NME9: variants seen among roughly 807,000 people sequenced by gnomAD.
NME9 encodes the protein NME/NM23 family member 9.
Under a neutral mutation model 44.4 loss-of-function variants are expected in NME9, and 48 were observed. That is an observed-to-expected ratio of 1.08 (90% CI 0.86 to 1.37). The LOEUF is 1.37. Among genes scored for constraint, NME9 ranks in the 40% most tolerant of loss-of-function variants. The pLI, the probability that NME9 is intolerant of heterozygous loss-of-function variation, is 0.00. For synonymous variants in NME9, 139 were observed against 147.1 expected, an observed-to-expected ratio of 0.94 and a Z score of 0.40; for missense variants, 325 against 405.2, an observed-to-expected ratio of 0.80 and a Z score of 1.70.
At chr3:138,262,828 T>A (rs1167808901) in intron 8 of NME9, among the ~76,000 whole-genome samples, 1 of 152,192 alleles carries the variant, frequency 6.6e-6, no homozygotes, top group African/African-American at 2.4e-5. Context: ...ACAAGAGGAC[T>A]ACCTTAACCA....
At chr3:138,313,612 C>T (rs2052856947) in intron 6 of NME9, among the ~76,000 whole-genome samples, 1 of 152,094 alleles carries the variant, frequency 6.6e-6, no homozygotes, top group South Asian at 2.1e-4. Flanking sequence ...TCTGCACTCC[C>T]GTGTTTATTG....
intron 10 of NME9, chr3:138,303,298 TA>T: frequency 2.4e-6 from 1 of 417,192 alleles, no homozygotes; most frequent in Non-Finnish European, 4.3e-6. Flanking sequence ...AATGAGGTAT[TA>T]AAAAGCAACA....
At chr3:138,322,127 T>C (rs934551910) in intron 2 of NME9, among the ~76,000 whole-genome samples, 4 of 152,196 alleles carry the variant, frequency 2.6e-5, no homozygotes, top group Admixed American at 6.5e-5. Flanking sequence ...AAAAGGGCAT[T>C]CGGGTCAAGC....
intron 1 of NME9, 103 bp downstream of exon 1, chr3:138,329,200 C>T: frequency 3.9e-6 from 4 of 1,030,616 alleles, no homozygotes; most frequent in Non-Finnish European, 5.7e-6. Flanking sequence ...TCACGTACTG[C>T]TGGCAAACAG....
At chr3:138,307,324 G>A (rs1052113737) in intron 6 of NME9, among the ~76,000 whole-genome samples, 7 of 152,172 alleles carry the variant, frequency 4.6e-5, no homozygotes, top group African/African-American at 1.7e-4. Context: ...GGAGGTCTGT[G>A]TCTAGTCCAT....
chr3:138,303,601 G>T lies in NME9; in HGVS notation c.834C>A (p.Val278=). Residue 278 remains valine (V), a synonymous_variant, in exon 10 of 11, where the codon GTC becomes GTA. Transcript: ENST00000333911. The part of the protein sequence containing the change: ...QYGTEMPFNA[V]HGSRDREDAD... Reference sequence around the variant, plus strand: ...CATCTTCTCTGTCCCGGCTTCCATGGACGGCATTGAAGGGCATTTCTGTGC... The same window carrying T: ...CATCTTCTCTGTCCCGGCTTCCATGTACGGCATTGAAGGGCATTTCTGTGC... 5 of 1,613,726 alleles carry T rather than the reference G, an allele frequency of 3.1e-6. No individual in the cohort carries two copies. The highest frequency in any genetic ancestry group is 4.2e-6 in the Non-Finnish European group (5 of 1,179,582).
At chr3:138,273,125 A>C in intron 8 of NME9, 1 of 1,600,134 alleles carries the variant, frequency 6.2e-7, no homozygotes, top group Non-Finnish European at 8.5e-7. Flanking sequence ...CTGTAAGTAA[A>C]ATCACCCAGG....
At chr3:138,279,080 T>A (rs1177687401) in intron 8 of NME9, among the ~76,000 whole-genome samples, 2 of 152,220 alleles carry the variant, frequency 1.3e-5, no homozygotes, top group African/African-American at 4.8e-5. Flanking sequence ...GATGAACATA[T>A]TTGTTTTGTT....
At chr3:138,318,409 G>A (rs561594333) in intron 3 of NME9, among the ~76,000 whole-genome samples, 190 bp from the exon 4 acceptor site, 1 of 151,768 alleles carries the variant, frequency 6.6e-6, no homozygotes, top group South Asian at 2.1e-4. Context: ...CTCTCTTGAA[G>A]AATCAAATGA....
chr3:138,324,440 C>T, intron 2 of NME9: 1 of 457,428 alleles, frequency 2.2e-6, no homozygotes, highest in Non-Finnish European at 4.4e-6. Flanking sequence ...TAACTGATGC[C>T]AGGAGGATAG....
intron 8 of NME9, among the ~76,000 whole-genome samples, chr3:138,272,178 C>G (rs1407013881): frequency 6.6e-6 from 1 of 152,148 alleles, no homozygotes; most frequent in Non-Finnish European, 1.5e-5. Flanking sequence ...GTGATACAGC[C>G]CAGCCATGCC....
chr3:138,289,864 C>T (rs1453068423), intron 8 of NME9, among the ~76,000 whole-genome samples: 1 of 152,104 alleles, frequency 6.6e-6, no homozygotes, highest in Non-Finnish European at 1.5e-5. Flanking sequence ...CTAGAGAGAG[C>T]CAGTATATGA....
intron 6 of NME9, among the ~76,000 whole-genome samples, chr3:138,309,918 T>C (rs769179821): frequency 8.6e-5 from 13 of 150,922 alleles, no homozygotes; most frequent in Non-Finnish European, 1.5e-4. Context: ...TCCCAGCTAA[T>C]TGGGAGGCTG....
rs192065467 is a variant in NME9 at position 138,274,819 on chromosome 3, A to C, written c.746-12233T>G. On this transcript the variant is annotated intron_variant, in intron 8 of 8. Coordinates refer to the NME9 transcript ENST00000317876. ...TCTACAGGAGCAGTCACCTTTCATC[A>C]TCCTGGAATGAATCCTTTTTCCAGG... 3.9e-5 allele frequency among the ~76,000 whole-genome samples: 6 copies of C among 152,300 alleles called. No individual in the cohort carries two copies. In the East Asian group the frequency reaches 1.2e-3, roughly 29 times the overall value.
chr3:138,272,867 G>A (rs1453585973), intron 8 of NME9: 3 of 1,114,250 alleles, frequency 2.7e-6, no homozygotes, highest in South Asian at 4.5e-5. Context: ...GCAAGACTCT[G>A]TCTCAAAAAA....
chr3:138,281,512 C>A (rs551331864), intron 8 of NME9, among the ~76,000 whole-genome samples: 64 of 152,188 alleles, frequency 4.2e-4, no homozygotes, highest in African/African-American at 1.5e-3. Flanking sequence ...AGGATGGTCT[C>A]AATCTCTTGA....
At chr3:138,296,031 C>T, downstream of NME9, 1 of 686,934 alleles carries the variant, frequency 1.5e-6, no homozygotes. Flanking sequence ...GTTTAGTAGG[C>T]TTAGATCTCA....
At chr3:138,300,440 G>A (rs970145392), downstream of NME9, among the ~76,000 whole-genome samples, 12 of 152,194 alleles carry the variant, frequency 7.9e-5, no homozygotes, top group African/African-American at 2.9e-4. Context: ...GAAGACGCTG[G>A]CATTTGCTTC....
intron 2 of NME9, among the ~76,000 whole-genome samples, chr3:138,323,827 G>A (rs13087441): frequency 0.19 from 28,371 of 152,124 alleles, 3,393 homozygotes; most frequent in Middle Eastern, 0.26. Context: ...TATCTACAGT[G>A]AATGAGAAAG....
Sources: allele counts gnomAD v4.1 joint callset (sites outside exome capture counted in the v4.1 genomes callset), GRCh38; gene constraint gnomAD v4.1.1; transcripts MANE v1.5; gene names NCBI Gene and HGNC (gene_info 2026-07-23, HGNC 2026-07-21).